The following TVP23B variants were observed in gnomAD, a reference collection of about 807,000 sequenced individuals.
The protein encoded by TVP23B is Golgi apparatus membrane protein TVP23 homolog B.
A neutral mutation model predicts 30.6 loss-of-function variants in TVP23B; 10 were observed. The ratio of observed to expected loss-of-function variants is 0.33; its 90% CI spans 0.20 to 0.55. The LOEUF is 0.55. Ranked by LOEUF, TVP23B falls within the 20% of genes least tolerant of loss-of-function variation. TVP23B has a pLI of 0.91. For missense variants in TVP23B, 153 were observed against 243.2 expected, an observed-to-expected ratio of 0.63 and a Z score of 2.47; for synonymous variants, 67 against 83.1, an observed-to-expected ratio of 0.81 and a Z score of 1.06.
At chr17:18,797,495 G>A (rs191789765) in intron 3 of TVP23B, 84 bp from the exon 4 acceptor site, 3 of 1,593,170 alleles carry the variant, frequency 1.9e-6, no homozygotes, top group Admixed American at 1.9e-5. Flanking sequence ...TTTTGTTTGT[G>A]AAATGTTACA....
In TVP23B at chr17:18,781,246, C is replaced by T. The variant is rs1247549285; in HGVS notation, c.-48C>T. On this transcript the variant is annotated 5_prime_UTR_variant, in exon 1 of 7. Coordinates refer to ENST00000307767, the MANE Select transcript of TVP23B (RefSeq NM_016078.6). ...CTCAGTTCCGACCCGGACCCGTACG[C>T]TGCTGCGCTGACGTGGCTCCCGGAA... is the stretch of plus-strand genomic sequence containing the variant. 3 of 1,557,072 alleles carry T rather than the reference C, an allele frequency of 1.9e-6. No homozygotes were observed. Among genetic ancestry groups the T allele is most frequent in the South Asian group, 2.4e-5 (2 of 84,502 alleles).
chr17:18,804,295 C>CT (rs1430417279), intron 6 of TVP23B, 29 bp downstream of exon 6: 1 of 1,580,740 alleles, frequency 6.3e-7, no homozygotes. Context: ...TGATCAGTGA[C>CT]TAATGCAATT....
chr17:18,794,109 G>A (rs558775438), intron 3 of TVP23B, among the ~76,000 whole-genome samples: 17 of 152,106 alleles, frequency 1.1e-4, no homozygotes, highest in African/African-American at 4.1e-4. Flanking sequence ...AAATAGAAAA[G>A]CATTATGATG....
chr17:18,785,230 C>T (rs1175633801), intron 1 of TVP23B, among the ~76,000 whole-genome samples: 2 of 152,216 alleles, frequency 1.3e-5, no homozygotes, highest in East Asian at 1.9e-4. Context: ...TCCAATGGAT[C>T]TCCCTTTCAA....
intron 1 of TVP23B, 72 bp downstream of exon 1, chr17:18,781,377 G>T (rs2035804445): frequency 3.9e-6 from 6 of 1,540,424 alleles, no homozygotes; most frequent in Non-Finnish European, 5.3e-6. Flanking sequence ...TGGGACTGGA[G>T]CCCGCGTCCC....
At chr17:18,789,319 G>A (rs1452350827) in intron 1 of TVP23B, 34 bp from the exon 2 acceptor site, 11 of 1,613,766 alleles carry the variant, frequency 6.8e-6, no homozygotes, top group Non-Finnish European at 8.5e-6. Flanking sequence ...ACTGAATTTT[G>A]TTTTGCTTCT....
chr17:18,794,336 A>G (rs2036043360), intron 3 of TVP23B, among the ~76,000 whole-genome samples: 1 of 152,192 alleles, frequency 6.6e-6, no homozygotes, highest in Admixed American at 6.5e-5. Context: ...AAGCACCTAC[A>G]TTTTCTACTC....
At chr17:18,790,463 C>CAAA (rs1465361992) in intron 2 of TVP23B, among the ~76,000 whole-genome samples, 4 of 24,470 alleles carry the variant, frequency 1.6e-4, no homozygotes, top group African/African-American at 4.9e-4. Flanking sequence ...GACTCCGTCT[C>CAAA]AAAAAAAAAA....
chr17:18,798,886 A>T lies in TVP23B; in HGVS notation c.405A>T (p.Pro135=). The stretch of plus-strand genomic sequence containing the variant: ...TTTGGTTGGGACTTATTGCCTGTCC[A>T]GTACTGTGGGTGATATTTGCTTTTA... The part of the protein sequence containing the change: ...RIFWLGLIAC[P]VLWVIFAFSA... The change falls in exon 5 of 7, where the codon CCA becomes CCT. Residue 135 remains proline, a synonymous_variant. Coordinates refer to ENST00000307767, the MANE Select transcript of TVP23B (RefSeq NM_016078.6). 3 of 1,613,806 alleles carry T rather than the reference A, an allele frequency of 1.9e-6. No homozygotes were observed. The highest frequency in any genetic ancestry group is 2.5e-6 in the Non-Finnish European group (3 of 1,179,876).
In TVP23B at chr17:18,789,422, A is replaced by G. The variant is rs759041031; in HGVS notation, c.82A>G (p.Lys28Glu). The G allele has an allele frequency of 6.2e-7, 1 of 1,614,010 alleles. No individual in the cohort carries two copies. The highest frequency in any genetic ancestry group is 8.5e-7 in the Non-Finnish European group (1 of 1,179,872). ...AGAGGAGACGACTAATAGACCAAGA[A>G]AAGCCAAAATCAGGTAGGAGGAGAG... ...AEEETTNRPR[K>E]AKIRHPVASF... The change falls in exon 2 of 7, where the codon AAA (lysine) becomes GAA (glutamate). Residue 28 changes from lysine to glutamate, a missense_variant. By Grantham distance (56) the Lys-to-Glu change is moderately conservative (BLOSUM62 1). Transcript: ENST00000307767.
In TVP23B at chr17:18,789,855, T is replaced by C. The variant is rs1458795860; in HGVS notation, c.95+420T>C. On this transcript the variant is annotated intron_variant, in intron 2 of 6. Transcript: ENST00000307767. ...CTACTTGAACCCTGCTAAAATGCTG[T>C]CTTTTACTTTTCTTTCATCTTTCAT... is the stretch of plus-strand genomic sequence containing the variant. Among the ~76,000 whole-genome samples, 3 of 152,232 alleles carry C rather than the reference T, an allele frequency of 2.0e-5. No homozygotes were observed. In the East Asian group the frequency reaches 5.8e-4, roughly 29 times the overall value.
chr17:18,797,505 A>G, intron 3 of TVP23B, 74 bp from the exon 4 acceptor site: 3 of 1,606,704 alleles, frequency 1.9e-6, no homozygotes, highest in Non-Finnish European at 2.5e-6. Context: ...GAAATGTTAC[A>G]CTAAGATAGG....
At chr17:18,781,376 A>C (rs2035804396) in intron 1 of TVP23B, 71 bp downstream of exon 1, 2 of 1,540,794 alleles carry the variant, frequency 1.3e-6, no homozygotes, top group Non-Finnish European at 1.8e-6. Flanking sequence ...GTGGGACTGG[A>C]GCCCGCGTCC....
Position 18,805,591 on chromosome 17 carries a change from T to C in TVP23B, c.*24T>C, listed in dbSNP as rs761999561. On this transcript the variant is annotated 3_prime_UTR_variant, in exon 7 of 7. Coordinates refer to ENST00000307767, the MANE Select transcript of TVP23B (RefSeq NM_016078.6). ...GAATAGAGAAAGCTTATGTGCTTTG[T>C]TACATTGGGGAACAACTGAAGAGAT... 1.2e-6 allele frequency: 2 copies of C among 1,605,124 alleles called. No homozygotes were observed. The highest frequency in any genetic ancestry group is 2.2e-5 in the East Asian group (1 of 44,786).
intron 6 of TVP23B, chr17:18,804,513 T>C (rs2036218619): frequency 7.9e-7 from 1 of 1,270,110 alleles, no homozygotes; most frequent in African/African-American, 1.6e-5. Flanking sequence ...TTTTTAAAAA[T>C]TACTTTTAAG....
intron 1 of TVP23B, among the ~76,000 whole-genome samples, chr17:18,783,777 A>G (rs557460934): frequency 2.6e-5 from 4 of 152,158 alleles, no homozygotes; most frequent in Non-Finnish European, 4.4e-5. Context: ...TCTTTCTTGT[A>G]TCATCAGTTT....
chr17:18,805,128 G>T (rs1377700008), intron 6 of TVP23B, among the ~76,000 whole-genome samples: 1 of 132,500 alleles, frequency 7.5e-6, no homozygotes, highest in Non-Finnish European at 1.5e-5. Flanking sequence ...TCGCTCTGTC[G>T]CCCAGGCTGG....
chr17:18,793,132 A>C (rs1294036749), intron 3 of TVP23B, among the ~76,000 whole-genome samples: 1 of 152,148 alleles, frequency 6.6e-6, no homozygotes, highest in East Asian at 1.9e-4. Flanking sequence ...GGGCAGCATG[A>C]GGCCTGTGGG....
At chr17:18,802,745 A>G (rs2036188919) in intron 5 of TVP23B, among the ~76,000 whole-genome samples, 1 of 152,224 alleles carries the variant, frequency 6.6e-6, no homozygotes, top group Non-Finnish European at 1.5e-5. Context: ...AGTTTAACTT[A>G]CAGATTTTAA....
Sources: allele counts gnomAD v4.1 joint callset (sites outside exome capture counted in the v4.1 genomes callset), GRCh38; gene constraint gnomAD v4.1.1; transcripts MANE v1.5; gene names NCBI Gene and HGNC (gene_info 2026-07-23, HGNC 2026-07-21).